Variants in DGKK observed in about 807,000 individuals in gnomAD.
DGKK encodes the protein 142 kDa diacylglycerol kinase.
DGKK carries 35 observed loss-of-function variants against 92.2 expected under a neutral mutation model. That is an observed-to-expected ratio of 0.38 (90% CI 0.29 to 0.50). The LOEUF is 0.50. Ranked by LOEUF, DGKK falls within the 20% of genes least tolerant of loss-of-function variation. The probability of loss-of-function intolerance (pLI) is 0.92; values close to 1 mark genes in which losing one functional copy is unlikely to be tolerated. For synonymous variants in DGKK, 368 were observed against 360.6 expected (o/e 1.02, Z -0.23); for missense variants, 910 against 992.2 (o/e 0.92, Z 1.11).
chrX:50,388,684 C>T lies in DGKK; in HGVS notation c.1927-66G>A. The T allele has an allele frequency of 1.0e-5, 8 of 768,555 alleles. No homozygotes were observed. In the South Asian group the frequency reaches 1.8e-4, roughly 17 times the overall value. The allele number at this position is 768,555 out of a possible 1,213,427, so 63.3% of individuals were successfully genotyped here. A position where few individuals can be genotyped will look rare whatever the true frequency, so the allele number is the denominator to read the frequency against. On this transcript the variant is annotated intron_variant, in intron 12 of 27. Coordinates refer to ENST00000611977, the MANE Select transcript of DGKK (RefSeq NM_001013742.4). ...AATAACACAGTGTGCTGCCCATCCT[C>T]ATCCCCTGCAGCCTCATTGTTTCTT...
At chrX:50,435,713 G>C (rs185022632) in intron 1 of DGKK, among the ~76,000 whole-genome samples, 2 of 97,340 alleles carry the variant, frequency 2.1e-5, no homozygotes, top group African/African-American at 6.9e-5. Flanking sequence ...AAAGGAGTGT[G>C]TGTGTGTATG....
In DGKK at chrX:50,370,499, G is replaced by A. The variant is rs1924093402; in HGVS notation, c.3663C>T (p.Phe1221=). Reference sequence around the variant, plus strand: ...CTACCTTTTTCTTTCCCAATTTGGGGAACTTAATTTTCAGCCTGAGGCTTC... The same window carrying A: ...CTACCTTTTTCTTTCCCAATTTGGGAAACTTAATTTTCAGCCTGAGGCTTC... ...DSRSLRLKIK[F]PKLGKKKVEE... Residue 1221 remains phenylalanine, a synonymous_variant, in exon 27 of 28, where the codon TTC becomes TTT. Coordinates refer to ENST00000611977, the MANE Select transcript of DGKK (RefSeq NM_001013742.4). The A allele has an allele frequency of 8.4e-7, 1 of 1,193,851 alleles. No individual in the cohort carries two copies. The highest frequency in any genetic ancestry group is 2.3e-5 in the Admixed American group (1 of 43,512).
At chrX:50,449,705 G>T (rs1419414978) in intron 1 of DGKK, among the ~76,000 whole-genome samples, 2 of 110,772 alleles carry the variant, frequency 1.8e-5, no homozygotes, top group Non-Finnish European at 3.8e-5. Context: ...GCTCAGACAC[G>T]CATGGGGTAT....
At chrX:50,384,375 T>G in intron 16 of DGKK, 111 bp from the exon 17 acceptor site, 1 of 482,114 alleles carries the variant, frequency 2.1e-6, no homozygotes, top group Non-Finnish European at 3.4e-6. Flanking sequence ...CTCAGTGACT[T>G]TCTCCTAGAT....
At chrX:50,405,918 A>G (rs781789308) in intron 4 of DGKK, among the ~76,000 whole-genome samples, 68 of 111,827 alleles carry the variant, frequency 6.1e-4, no homozygotes, top group African/African-American at 2.0e-3. Flanking sequence ...CCAAGTCACT[A>G]GATTGTAATT....
chrX:50,433,418 T>C (rs1301020148), intron 1 of DGKK, among the ~76,000 whole-genome samples: 1 of 110,950 alleles, frequency 9.0e-6, no homozygotes, highest in African/African-American at 3.3e-5. Context: ...CTCCGTAAGG[T>C]GAGTGAAGGT....
chrX:50,365,641 A>T lies in DGKK; in HGVS notation c.*3299T>A, dbSNP rs1299283555. ...AAAAAACACAGAGCAGAAAACAACA[A>T]TGGGTTACAGATTCACTGACAAATA... On this transcript the variant is annotated 3_prime_UTR_variant, in exon 28 of 28. Transcript: ENST00000611977. 9.0e-6 allele frequency: 1 copy of T among 111,270 alleles called. No individual in the cohort carries two copies. The allele number at this position is 111,270 out of a possible 1,213,427, so 9.2% of individuals were successfully genotyped here. A position where few individuals can be genotyped will look rare whatever the true frequency, so the allele number is the denominator to read the frequency against.
intron 4 of DGKK, among the ~76,000 whole-genome samples, chrX:50,418,440 T>G (rs1299152179): frequency 9.0e-6 from 1 of 111,597 alleles, no homozygotes; most frequent in African/African-American, 3.3e-5. Context: ...TTCCAATAGA[T>G]TATCCAATTA....
intron 1 of DGKK, among the ~76,000 whole-genome samples, chrX:50,436,045 G>A (rs899755631): frequency 2.6e-4 from 29 of 111,940 alleles, no homozygotes; most frequent in Non-Finnish European, 2.1e-4. Context: ...GGAGGGAAAA[G>A]AGAGGGAAGA....
At chrX:50,414,555 A>G (rs1282952017) in intron 4 of DGKK, among the ~76,000 whole-genome samples, 1 of 111,835 alleles carries the variant, frequency 8.9e-6, no homozygotes, top group Non-Finnish European at 1.9e-5. Flanking sequence ...GATTATAGTT[A>G]AAATTATAAT....
At chrX:50,379,863 C>T in intron 19 of DGKK, 118 bp downstream of exon 19, 4 of 907,057 alleles carry the variant, frequency 4.4e-6, no homozygotes, top group Non-Finnish European at 6.4e-6. Flanking sequence ...GCCTTCCTCC[C>T]ATGAGCTGTG....
chrX:50,469,507 C>T (rs932450318), intron 1 of DGKK, among the ~76,000 whole-genome samples: 3 of 112,409 alleles, frequency 2.7e-5, no homozygotes, highest in African/African-American at 9.7e-5. Context: ...CCGGGCACCT[C>T]CCTGGAGGGC....
At chrX:50,388,964 A>T (rs1924619074) in intron 12 of DGKK, among the ~76,000 whole-genome samples, 1 of 112,197 alleles carries the variant, frequency 8.9e-6, no homozygotes, top group Admixed American at 9.4e-5. Context: ...CCAATTCCAG[A>T]ATGTAACTTC....
chrX:50,398,395 A>G (rs1557226290), intron 8 of DGKK, among the ~76,000 whole-genome samples: 1 of 112,305 alleles, frequency 8.9e-6, no homozygotes, highest in African/African-American at 3.2e-5. Context: ...GGGAAGTTTG[A>G]AAGACATTTC....
chrX:50,404,304 A>T, intron 4 of DGKK, 120 bp from the exon 5 acceptor site: 1 of 790,616 alleles, frequency 1.3e-6, no homozygotes, highest in Non-Finnish European at 1.7e-6. Flanking sequence ...GAGCGTGTGA[A>T]GGGGAAGACT....
chrX:50,461,155 C>T (rs782250829), intron 1 of DGKK, among the ~76,000 whole-genome samples: 1 of 112,454 alleles, frequency 8.9e-6, no homozygotes, highest in African/African-American at 3.2e-5. Flanking sequence ...TACTGCTTCA[C>T]ACAGCAAATA....
chrX:50,436,930 C>G (rs1045064898), intron 1 of DGKK, among the ~76,000 whole-genome samples: 2 of 111,198 alleles, frequency 1.8e-5, no homozygotes, highest in Non-Finnish European at 3.8e-5. Context: ...TCCTGTTATC[C>G]TGCAATAAAA....
intron 1 of DGKK, among the ~76,000 whole-genome samples, chrX:50,447,404 TA>T: frequency 5.9e-5 from 1 of 16,990 alleles, no homozygotes; most frequent in African/African-American, 6.3e-4. Context: ...ATTATATATA[TA>T]TATAATATAT....
intron 1 of DGKK, among the ~76,000 whole-genome samples, chrX:50,436,706 A>T (rs1258881567): frequency 1.8e-5 from 2 of 111,412 alleles, no homozygotes; most frequent in Non-Finnish European, 3.8e-5. Flanking sequence ...GGGGTAGGCC[A>T]GGTAAGTAAT....
Sources: allele counts gnomAD v4.1 joint callset (sites outside exome capture counted in the v4.1 genomes callset), GRCh38; gene constraint gnomAD v4.1.1; transcripts MANE v1.5; gene names NCBI Gene and HGNC (gene_info 2026-07-23, HGNC 2026-07-21).